ZNF888: variants seen among roughly 807,000 people sequenced by gnomAD.
The protein encoded by ZNF888 is zinc finger protein 888.
Under a neutral mutation model 7.2 loss-of-function variants are expected in ZNF888, and 5 were observed. The observed-to-expected ratio is 0.70, with a 90% CI of 0.36 to 1.46. The LOEUF (loss-of-function observed/expected upper bound fraction) is 1.46, where lower values mean the gene tolerates loss of function less well. Ranked by LOEUF, ZNF888 falls within the 40% of genes most tolerant of loss-of-function variation. The pLI is 0.03. For missense variants in ZNF888, 716 were observed against 858.0 expected, an observed-to-expected ratio of 0.83 and a Z score of 2.07; for synonymous variants, 240 against 284.3, an observed-to-expected ratio of 0.84 and a Z score of 1.57.
Position 52,905,088 on chromosome 19 carries a change from C to T in ZNF888, c.*1077G>A, listed in dbSNP as rs999787666. On this transcript the variant is annotated 3_prime_UTR_variant, in exon 5 of 5. Transcript: ENST00000638862. ...TAAAAACATACATAGAGATACAACC[C>T]ATATTGATAGTTTGGAAAAATTAAT... The T allele has an allele frequency of 1.3e-5, 2 of 152,172 alleles. No homozygotes were observed. The highest frequency in any genetic ancestry group is 4.8e-5 in the African/African-American group (2 of 41,382). The allele number at this position is 152,172 out of a possible 1,614,324, so 9.4% of individuals were successfully genotyped here.
rs2064770274 is a variant in ZNF888 at position 52,917,908 on chromosome 19, GT to G, written c.-36del. 1 of 1,610,808 alleles carries G rather than the reference GT, an allele frequency of 6.2e-7. No homozygotes were observed. The highest frequency in any genetic ancestry group is 8.5e-7 in the Non-Finnish European group (1 of 1,179,986). ...CTTTGCTTTCCTCTTCCTCTTCTGA[GT>G]TTCTTCTTCACATACCCAGAGTCTT... On this transcript the variant is annotated 5_prime_UTR_variant, in exon 3 of 5. Coordinates refer to ENST00000638862, the MANE Select transcript of ZNF888 (RefSeq NM_001393938.1).
chr19:52,918,122 A>G, intron 2 of ZNF888, 191 bp from the exon 3 acceptor site: 1 of 1,390,918 alleles, frequency 7.2e-7, no homozygotes, highest in Non-Finnish European at 9.3e-7. Context: ...GGAGAAGCCC[A>G]CACACACGCT....
At chr19:52,910,108 C>T (rs2064659078) in intron 4 of ZNF888, among the ~76,000 whole-genome samples, 1 of 136,132 alleles carries the variant, frequency 7.3e-6, no homozygotes, top group African/African-American at 2.7e-5. Flanking sequence ...TAGACTGCAC[C>T]ATCGCACTCC....
At chr19:52,909,148 A>G (rs2064647018) in intron 4 of ZNF888, among the ~76,000 whole-genome samples, 1 of 151,974 alleles carries the variant, frequency 6.6e-6, no homozygotes, top group Admixed American at 6.6e-5. Flanking sequence ...CCATCTCAAA[A>G]AAAAAAGAAA....
rs1396727894 is a variant in ZNF888, at chr19:52,907,367, T to C, written c.955A>G (p.Ile319Val). ...DKSALLVHKT[I>V]HTGEKPYKCN... ...TTGTAAGGTTTCTCTCCAGTATGAA[T>C]TGTCTTGTGAACTAAGAGGGCTGAC... Residue 319 changes from isoleucine (I) to valine (V), a missense_variant, in exon 5 of 5, where the codon ATT becomes GTT. By Grantham distance (29) the Ile-to-Val change is conservative. This residue lies in a region of ZNF888 where 697 missense variants were observed against 803.4 expected (regional missense o/e 0.87). Coordinates refer to ENST00000638862, the MANE Select transcript of ZNF888 (RefSeq NM_001393938.1). 6.2e-7 allele frequency: 1 copy of C among 1,613,564 alleles called. No homozygotes were observed.
At chr19:52,917,979 G>C in intron 2 of ZNF888, 48 bp from the exon 3 acceptor site, 2 of 1,589,116 alleles carry the variant, frequency 1.3e-6, no homozygotes, top group South Asian at 2.2e-5. Context: ...TTATTGCTCA[G>C]AGTCAACATA....
At position 52,915,135 on chromosome 19, in the gene ZNF888, G is replaced by A. The variant is rs1422960984; in HGVS notation, c.142+61C>T. ...TCAAGCAAGGATGCAACTCCCAAGA[G>A]AAACAAGAGAAAATGCAAAGATCCA... On this transcript the variant is annotated intron_variant, in intron 4 of 4. Coordinates refer to ENST00000638862, the MANE Select transcript of ZNF888 (RefSeq NM_001393938.1). 7.1e-5 allele frequency: 109 copies of A among 1,527,756 alleles called. 2 individuals are homozygous for A. The highest frequency in any genetic ancestry group is 8.5e-5 in the Non-Finnish European group (97 of 1,146,282). The allele number at this position is 1,527,756 out of a possible 1,614,324, so 94.6% of individuals were successfully genotyped here.
At chr19:52,910,923 C>T (rs1157560992) in intron 4 of ZNF888, among the ~76,000 whole-genome samples, 6 of 152,290 alleles carry the variant, frequency 3.9e-5, no homozygotes, top group African/African-American at 1.2e-4. Flanking sequence ...CTCTGTCACC[C>T]GGGCTGGAGT....
rs549994964 is a variant in ZNF888 at position 52,905,883 on chromosome 19, G to C, written c.*282C>G. On this transcript the variant is annotated 3_prime_UTR_variant, in exon 5 of 5. Coordinates refer to ENST00000638862, the MANE Select transcript of ZNF888 (RefSeq NM_001393938.1). ...CTTTGATGTCTAATGAGGTGTGAAC[G>C]TGAAGTAAAGGCTTTGCTCACAATC... 11 of 747,278 alleles carry C rather than the reference G, an allele frequency of 1.5e-5. No homozygotes were observed. The highest frequency in any genetic ancestry group is 2.7e-5 in the Non-Finnish European group (11 of 410,114). 46.3% of individuals were successfully genotyped at this position (747,278 alleles called of 1,614,324 possible). A position where few individuals can be genotyped will look rare whatever the true frequency, so the allele number is the denominator to read the frequency against.
Position 52,917,989 on chromosome 19 carries a change from AC to A in ZNF888, c.-58-59del. The A allele has an allele frequency of 2.5e-6, 4 of 1,573,776 alleles. No homozygotes were observed. In the South Asian group the frequency reaches 4.6e-5, roughly 18 times the overall value. ...GTTGTTTATTGCTCAGAGTCAACAT[AC>A]CCCCTCCCTGTAAAACAACGACACA... On this transcript the variant is annotated intron_variant, in intron 2 of 4. Coordinates refer to ENST00000638862, the MANE Select transcript of ZNF888 (RefSeq NM_001393938.1).
intron 2 of ZNF888, chr19:52,918,302 CA>C: frequency 1.7e-6 from 1 of 586,490 alleles, no homozygotes; most frequent in Non-Finnish European, 2.1e-6. Flanking sequence ...CCAGCCTGGG[CA>C]ACATGGTGAA....
intron 2 of ZNF888, 187 bp from the exon 3 acceptor site, chr19:52,918,118 G>A: frequency 7.2e-7 from 1 of 1,396,302 alleles, no homozygotes; most frequent in Non-Finnish European, 9.3e-7. Context: ...TTCTGGAGAA[G>A]CCCACACACA....
chr19:52,906,532 T>C lies in ZNF888; in HGVS notation c.1790A>G (p.His597Arg), dbSNP rs904708552. Residue 597 changes from histidine to arginine, a missense_variant, in exon 5 of 5, where the codon CAT becomes CGT. Transcript: ENST00000638862. ...FRTQSQLACH[H>R]RLHTGEKPYK... ...AGGTTTCTCTCCAGTATGAAGTCTA[T>C]GATGACATGCAAGTTGTGACTGTGT... 4.3e-6 allele frequency: 7 copies of C among 1,613,712 alleles called. No individual in the cohort carries two copies. The African/African-American group carries it at 6.7e-5, about 15-fold the overall frequency.
intron 1 of ZNF888, 105 bp downstream of exon 1, chr19:52,923,264 G>A: frequency 1.0e-6 from 1 of 981,374 alleles, no homozygotes; most frequent in Non-Finnish European, 1.2e-6. Flanking sequence ...CTTGTTGAAG[G>A]AAGAAGGGCG....
At position 52,908,140 on chromosome 19, in the gene ZNF888, C is replaced by T; in HGVS notation, c.182G>A (p.Gly61Glu). 1.2e-6 allele frequency: 2 copies of T among 1,613,864 alleles called. No homozygotes were observed. Among genetic ancestry groups the T allele is most frequent in the Non-Finnish European group, 1.7e-6 (2 of 1,179,960 alleles). ...SKCMMEFSSI[G>E]KGNTEVIHTG... ...GTGGATCACTTCTGTATTGCCTTTC[C>T]CTATTGATGAGAACTCCATCATGCA... is the stretch of plus-strand genomic sequence containing the variant. Residue 61 changes from glycine (G) to glutamate (E), a missense_variant, in exon 5 of 5, where the codon GGG becomes GAG. By Grantham distance (98) the Gly-to-Glu change is moderately conservative. Coordinates refer to ENST00000638862, the MANE Select transcript of ZNF888 (RefSeq NM_001393938.1).
chr19:52,911,706 C>T (rs2064681131), intron 4 of ZNF888, among the ~76,000 whole-genome samples: 1 of 152,342 alleles, frequency 6.6e-6, no homozygotes, highest in Middle Eastern at 3.4e-3. Context: ...TTATCATCAA[C>T]ATCACCGAAG....
rs957372081 is a variant in ZNF888 at position 52,907,694 on chromosome 19, T to C, written c.628A>G (p.Lys210Glu). ...LLTQKQDVHR[K>E]EKSFQFNESG... ...TCATTAAATTGGAAAGATTTTTCTT[T>C]CCTGTGTACATCCTGTTTCTGTGTG... The change falls in exon 5 of 5, where the codon AAA (lysine) becomes GAA (glutamate). Residue 210 changes from lysine to glutamate, a missense_variant. This residue lies in a region of ZNF888 where 697 missense variants were observed against 803.4 expected (regional missense o/e 0.87). Coordinates refer to ENST00000638862, the MANE Select transcript of ZNF888 (RefSeq NM_001393938.1). 10 of 1,608,696 alleles carry C rather than the reference T, an allele frequency of 6.2e-6. No homozygotes were observed. The highest frequency in any genetic ancestry group is 8.5e-6 in the Non-Finnish European group (10 of 1,177,894).
Position 52,920,169 on chromosome 19 carries a change from A to AGC in ZNF888, c.-177-1233_-177-1232insGC, listed in dbSNP as rs1280710950. Among the ~76,000 whole-genome samples, 27 of 59,504 alleles carry AGC rather than the reference A, an allele frequency of 4.5e-4. 2 individuals carry two copies. The highest frequency in any genetic ancestry group is 1.5e-3 in the African/African-American group (25 of 17,002). 39.0% of individuals were successfully genotyped at this position (59,504 alleles called of 152,430 possible). ...AAGTGAGGAGCCCCTCTGCCCGGCCACGACCCCGTCTGGGACGTGTGCCCA... is the reference window on the plus strand; with the variant it reads ...AAGTGAGGAGCCCCTCTGCCCGGCCAGCCGACCCCGTCTGGGACGTGTGCCCA... On this transcript the variant is annotated intron_variant, in intron 1 of 4. Coordinates refer to ENST00000638862, the MANE Select transcript of ZNF888 (RefSeq NM_001393938.1).
chr19:52,913,153 C>T (rs1021892202), intron 4 of ZNF888, among the ~76,000 whole-genome samples: 4 of 151,900 alleles, frequency 2.6e-5, no homozygotes, highest in Non-Finnish European at 5.9e-5. Flanking sequence ...CAGAAACTGG[C>T]ATATGTGTAC....
Sources: allele counts gnomAD v4.1 joint callset (sites outside exome capture counted in the v4.1 genomes callset), GRCh38; gene constraint gnomAD v4.1.1; regional missense constraint gnomAD v4.1.1; transcripts MANE v1.5; gene names NCBI Gene and HGNC (gene_info 2026-07-23, HGNC 2026-07-21).